SSC4D: variants seen among roughly 807,000 people sequenced by gnomAD.
The protein encoded by SSC4D is scavenger receptor cysteine-rich domain-containing group B protein.
A neutral mutation model predicts 63.4 loss-of-function variants in SSC4D; 57 were observed. The ratio of observed to expected loss-of-function variants is 0.90; its 90% confidence interval spans 0.73 to 1.12. The LOEUF (loss-of-function observed/expected upper bound fraction) is 1.12. SSC4D is among the 50% of genes most tolerant of loss of function. The pLI, the probability that SSC4D is intolerant of heterozygous loss-of-function variation, is 0.00. For synonymous variants in SSC4D, 352 were observed against 345.4 expected (o/e 1.02, Z -0.21); for missense variants, 791 against 806.4 (o/e 0.98, Z 0.23).
chr7:76,405,270 A>ATTAT (rs1804961783), intron 1 of SSC4D, among the ~76,000 whole-genome samples: 1 of 18,590 alleles, frequency 5.4e-5, no homozygotes, highest in African/African-American at 1.7e-4. Context: ...CACCCAGCTA[A>ATTAT]TTATATATAT....
At chr7:76,394,016 C>A (rs926716291) in intron 7 of SSC4D, 112 bp from the exon 8 acceptor site, 1 of 1,060,152 alleles carries the variant, frequency 9.4e-7, no homozygotes, top group Admixed American at 2.7e-5. Context: ...CCCGTACCCC[C>A]ACTCAGCTGC....
Position 76,391,960 on chromosome 7 carries a change from C to G in SSC4D, c.1411+4G>C. On this transcript the variant is annotated splice_donor_region_variant and intron_variant, in intron 10 of 10. Coordinates refer to ENST00000275560, the MANE Select transcript of SSC4D (RefSeq NM_080744.2). The stretch of plus-strand genomic sequence containing the variant: ...CCCACTTTCAGGGGATTATGGGCAC[C>G]TACCGTCCCTGGGCCGAGGAGTGGG... The G allele has an allele frequency of 6.3e-7, 1 of 1,589,878 alleles. No individual in the cohort carries two copies. The highest frequency in any genetic ancestry group is 8.6e-7 in the Non-Finnish European group (1 of 1,167,882).
intron 6 of SSC4D, among the ~76,000 whole-genome samples, chr7:76,395,738 C>T (rs1227552436): frequency 6.6e-6 from 1 of 152,186 alleles, no homozygotes; most frequent in Non-Finnish European, 1.5e-5. Context: ...GTTACCCAGG[C>T]TGGAGTGCAA....
chr7:76,395,666 A>C (rs371477327), intron 6 of SSC4D, among the ~76,000 whole-genome samples: 5 of 152,300 alleles, frequency 3.3e-5, no homozygotes, highest in African/African-American at 1.2e-4. Flanking sequence ...GGAGGACCAT[A>C]CACAGGCCTG....
At chr7:76,405,271 TTATATATATATATATATATA>T (rs1171830870) in intron 1 of SSC4D, among the ~76,000 whole-genome samples, 515 of 9,108 alleles carry the variant, frequency 0.057, 26 homozygotes, top group South Asian at 0.12. Context: ...ACCCAGCTAA[TTATATATATATATATATATA>T]TATATATATA....
intron 7 of SSC4D, among the ~76,000 whole-genome samples, chr7:76,394,829 A>G (rs910491542): frequency 2.8e-5 from 4 of 144,690 alleles, no homozygotes; most frequent in African/African-American, 1.0e-4. Flanking sequence ...AATATATATG[A>G]TATATATTAT....
intron 10 of SSC4D, among the ~76,000 whole-genome samples, chr7:76,390,881 G>A (rs1426418873): frequency 6.6e-6 from 1 of 152,210 alleles, no homozygotes; most frequent in East Asian, 1.9e-4. Context: ...CAGCACTTTG[G>A]GAGGCTGAGG....
intron 4 of SSC4D, among the ~76,000 whole-genome samples, chr7:76,399,924 G>A (rs1454266173): frequency 6.6e-6 from 1 of 152,162 alleles, no homozygotes; most frequent in Non-Finnish European, 1.5e-5. Flanking sequence ...CCAGGAGTTT[G>A]AGGCTGCAGT....
chr7:76,398,336 G>T (rs369881412), intron 5 of SSC4D, among the ~76,000 whole-genome samples: 75 of 147,202 alleles, frequency 5.1e-4, no homozygotes, highest in African/African-American at 1.4e-3. Context: ...TTGAGACAGG[G>T]TCTCACTGTG....
At position 76,397,514 on chromosome 7, in the gene SSC4D, G is replaced by T; in HGVS notation, c.868+4C>A. ...GCCCCGCCCATCGCCCCTAGAGCCC[G>T]CACCTGCGCAGAGCGCGCCCGCGTC... On this transcript the variant is annotated splice_donor_region_variant and intron_variant, in intron 6 of 10. Coordinates refer to ENST00000275560, the MANE Select transcript of SSC4D (RefSeq NM_080744.2). The T allele has an allele frequency of 6.6e-7, 1 of 1,503,774 alleles. No individual in the cohort carries two copies. Among genetic ancestry groups the T allele is most frequent in the Non-Finnish European group, 8.9e-7 (1 of 1,124,230 alleles). The allele number at this position is 1,503,774 out of a possible 1,614,324, so 93.2% of individuals were successfully genotyped here. A position where few individuals can be genotyped will look rare whatever the true frequency, so the allele number is the denominator to read the frequency against.
At chr7:76,398,520 G>A (rs1804713443) in intron 5 of SSC4D, among the ~76,000 whole-genome samples, 200 bp downstream of exon 5, 1 of 152,136 alleles carries the variant, frequency 6.6e-6, no homozygotes, top group African/African-American at 2.4e-5. Context: ...GGCCAGTCTG[G>A]TCTGGAGCTC....
chr7:76,391,049 T>C (rs544743885), intron 10 of SSC4D, among the ~76,000 whole-genome samples: 9 of 152,144 alleles, frequency 5.9e-5, no homozygotes, highest in Non-Finnish European at 1.2e-4. Flanking sequence ...AGCAGGAGGA[T>C]TGCTTGAGCC....
At chr7:76,400,713 G>GCCAA in intron 3 of SSC4D, 122 bp from the exon 4 acceptor site, 2 of 1,175,452 alleles carry the variant, frequency 1.7e-6, no homozygotes, top group African/African-American at 1.6e-5. Flanking sequence ...TCACTATGTT[G>GCCAA]CCAAGGCTGG....
In SSC4D at chr7:76,399,294, T is replaced by C. The variant is rs141332829; in HGVS notation, c.476-497A>G. ...TCCCAAAGTGCTGGAATTACAGGCA[T>C]GAGCCACCGTGCCCAGCCTGAAGCA... is the stretch of plus-strand genomic sequence containing the variant. On this transcript the variant is annotated intron_variant, in intron 4 of 10. Coordinates refer to ENST00000275560, the MANE Select transcript of SSC4D (RefSeq NM_080744.2). Among the ~76,000 whole-genome samples, 225 of 152,272 alleles carry C rather than the reference T, an allele frequency of 1.5e-3. No individual in the cohort carries two copies. In the Middle Eastern group the frequency reaches 0.024, roughly 16 times the overall value.
At chr7:76,402,879 C>T (rs1032160734) in intron 2 of SSC4D, among the ~76,000 whole-genome samples, 3 of 152,148 alleles carry the variant, frequency 2.0e-5, no homozygotes, top group Non-Finnish European at 4.4e-5. Context: ...GTTGGTCAGG[C>T]TGGTCTCAAA....
chr7:76,405,681 G>A (rs962943732), intron 1 of SSC4D, among the ~76,000 whole-genome samples: 9 of 152,000 alleles, frequency 5.9e-5, no homozygotes, highest in Non-Finnish European at 1.0e-4. Context: ...GGAGACGACG[G>A]CAGAGGCAAA....
intron 1 of SSC4D, 67 bp from the exon 2 acceptor site, chr7:76,404,572 G>C (rs1804938851): frequency 2.2e-6 from 3 of 1,364,352 alleles, no homozygotes; most frequent in Admixed American, 1.8e-5. Flanking sequence ...TGGGAGGATT[G>C]CTTGCACCCA....
At chr7:76,406,337 A>G (rs1332684768) in intron 1 of SSC4D, among the ~76,000 whole-genome samples, 4 of 152,210 alleles carry the variant, frequency 2.6e-5, no homozygotes, top group Admixed American at 2.6e-4. Flanking sequence ...TTGGGAGGAT[A>G]TAGATACTCA....
intron 6 of SSC4D, among the ~76,000 whole-genome samples, chr7:76,397,073 T>C (rs2115761864): frequency 6.6e-6 from 1 of 152,152 alleles, no homozygotes; most frequent in East Asian, 1.9e-4. Context: ...GGTGAAGCAA[T>C]AGTACAGTTT....
Sources: gnomAD v4.1 joint callset for allele counts (sites outside exome capture counted in the v4.1 genomes callset) on GRCh38, gnomAD v4.1.1 for gene constraint, MANE v1.5 for transcripts, NCBI Gene and HGNC (gene_info 2026-07-23, HGNC 2026-07-21) for gene names.